Variants in DPP10 observed in about 807,000 individuals in gnomAD.
The protein encoded by DPP10 is dipeptidyl peptidase like 10, also known as inactive dipeptidyl peptidase 10.
Under a neutral mutation model 120.9 loss-of-function variants are expected in DPP10, and 33 were observed. The observed-to-expected ratio is 0.27, with a 90% CI of 0.21 to 0.37. The LOEUF (loss-of-function observed/expected upper bound fraction) is 0.37, where lower values mean the gene tolerates loss of function less well. Among genes scored for constraint, DPP10 ranks in the 10% least tolerant of loss-of-function variants. DPP10 has a pLI of 1.00. For synonymous variants in DPP10, 337 were observed against 326.1 expected (o/e 1.03, Z -0.36); for missense variants, 816 against 942.8 (o/e 0.87, Z 1.76).
At chr2:114,559,254 A>T (rs1457969685) in intron 1 of DPP10, among the ~76,000 whole-genome samples, 1 of 152,220 alleles carries the variant, frequency 6.6e-6, no homozygotes, top group African/African-American at 2.4e-5. Flanking sequence ...GTTAGGTACA[A>T]TATAATCACA....
At chr2:115,626,034 A>G (rs2085329650) in intron 5 of DPP10, among the ~76,000 whole-genome samples, 1 of 151,172 alleles carries the variant, frequency 6.6e-6, no homozygotes, top group African/African-American at 2.4e-5. Context: ...TTCCTGGCCA[A>G]AAAGAAAAAA....
chr2:115,402,913 GTGTGTATATATATATGTATATATATA>G (rs2068202301), intron 3 of DPP10, among the ~76,000 whole-genome samples: 3 of 135,314 alleles, frequency 2.2e-5, no homozygotes, highest in Admixed American at 7.4e-5. Context: ...GTATATATAT[GTGTGTATATATATATGTATATATATA>G]TGTGTGTGTG....
At chr2:115,535,491 T>C (rs1305535505) in intron 5 of DPP10, among the ~76,000 whole-genome samples, 5 of 151,708 alleles carry the variant, frequency 3.3e-5, no homozygotes, top group African/African-American at 1.2e-4. Context: ...TTGGTACCAC[T>C]ACCATGCTGT....
intron 3 of DPP10, among the ~76,000 whole-genome samples, chr2:115,406,428 A>G (rs1265859618): frequency 1.3e-5 from 2 of 152,152 alleles, no homozygotes; most frequent in Non-Finnish European, 2.9e-5. Flanking sequence ...CACATACAGA[A>G]ATACTATTTA....
At chr2:115,402,839 A>G (rs894707193) in intron 3 of DPP10, among the ~76,000 whole-genome samples, 6 of 89,132 alleles carry the variant, frequency 6.7e-5, no homozygotes, top group African/African-American at 2.1e-4. Flanking sequence ...AGGACACTAC[A>G]AGGAAAAAAA....
At chr2:114,447,178 G>C (rs1214902579) in intron 1 of DPP10, among the ~76,000 whole-genome samples, 1 of 151,420 alleles carries the variant, frequency 6.6e-6, no homozygotes, top group African/African-American at 2.4e-5. Flanking sequence ...TGTATTTTTA[G>C]TAGAGACGGG....
At chr2:115,329,913 T>C (rs1196278393) in intron 2 of DPP10, among the ~76,000 whole-genome samples, 1 of 152,202 alleles carries the variant, frequency 6.6e-6, no homozygotes, top group Non-Finnish European at 1.5e-5. Flanking sequence ...GCATTGTGTC[T>C]TTATAGCAGC....
chr2:114,862,750 A>C (rs1160766891), intron 1 of DPP10, among the ~76,000 whole-genome samples: 1 of 152,208 alleles, frequency 6.6e-6, no homozygotes, highest in Non-Finnish European at 1.5e-5. Flanking sequence ...AAATAGAAGC[A>C]ATGTAGTAGA....
At chr2:115,742,098 G>GT (rs1559098744) in intron 9 of DPP10, among the ~76,000 whole-genome samples, 2 of 152,038 alleles carry the variant, frequency 1.3e-5, no homozygotes, top group Admixed American at 6.6e-5. Flanking sequence ...CCACTTGTTT[G>GT]TTTTTTTCTT....
chr2:114,961,033 C>CTTTTTTTTTTTTTTTTTTTTTTTT (rs772146022), intron 1 of DPP10, among the ~76,000 whole-genome samples: 4 of 52,004 alleles, frequency 7.7e-5, no homozygotes, highest in African/African-American at 3.0e-4. Context: ...CTCTATACGC[C>CTTTTTTTTTTTTTTTTTTTTTTTT]TTTTTTTTTT....
intron 3 of DPP10, among the ~76,000 whole-genome samples, chr2:115,456,444 G>T (rs1330833757): frequency 1.3e-5 from 2 of 152,050 alleles, no homozygotes; most frequent in Non-Finnish European, 2.9e-5. Context: ...ATTTGACCCA[G>T]CAATCCCATT....
At chr2:115,058,263 A>C (rs1345167486) in intron 1 of DPP10, among the ~76,000 whole-genome samples, 14 of 117,438 alleles carry the variant, frequency 1.2e-4, no homozygotes, top group African/African-American at 4.2e-4. Context: ...GCTAGCTTTT[A>C]ATCATAAAGG....
At position 115,825,431 on chromosome 2, in the gene DPP10, CATTT is replaced by C. The variant is rs1179107109; in HGVS notation, c.1950+9703_1950+9706del. On this transcript the variant is annotated intron_variant, in intron 21 of 25. Coordinates refer to ENST00000410059, the MANE Select transcript of DPP10 (RefSeq NM_020868.6). ...ATACCAGTATGTAATGTATTACATT[CATTT>C]GTGTTCTGTTTTCATTTCTAAGTCA... Among the ~76,000 whole-genome samples, 6 of 152,144 alleles carry C rather than the reference CATTT, an allele frequency of 3.9e-5. No homozygotes were observed. The South Asian group carries it at 6.2e-4, about 16-fold the overall frequency.
intron 3 of DPP10, among the ~76,000 whole-genome samples, chr2:115,413,073 T>G (rs112882313): frequency 0.08 from 12,110 of 152,160 alleles, 537 homozygotes; most frequent in Middle Eastern, 0.13. Context: ...TCTGTGGGAT[T>G]TGGGATTCTT....
intron 17 of DPP10, among the ~76,000 whole-genome samples, chr2:115,789,979 T>A (rs2149905831): frequency 6.6e-6 from 1 of 152,276 alleles, no homozygotes; most frequent in East Asian, 1.9e-4. Context: ...CTTGTATATA[T>A]CTGTATACAA....
At chr2:114,915,895 A>G (rs1483620771) in intron 1 of DPP10, among the ~76,000 whole-genome samples, 1 of 152,216 alleles carries the variant, frequency 6.6e-6, no homozygotes, top group Non-Finnish European at 1.5e-5. Context: ...TGTCAGAAAT[A>G]TCTCAAATTA....
intron 1 of DPP10, among the ~76,000 whole-genome samples, chr2:115,267,132 G>A: frequency 6.6e-6 from 1 of 152,074 alleles, no homozygotes; most frequent in Non-Finnish European, 1.5e-5. Context: ...TATGCTAGAA[G>A]GAATCAAGTA....
chr2:115,139,108 A>G (rs2050789323), intron 1 of DPP10, among the ~76,000 whole-genome samples: 1 of 152,216 alleles, frequency 6.6e-6, no homozygotes, highest in South Asian at 2.1e-4. Flanking sequence ...TTTCCAAGAA[A>G]GTGTTTGCAA....
chr2:115,498,931 A>G (rs1010219802), intron 3 of DPP10, among the ~76,000 whole-genome samples: 3 of 152,026 alleles, frequency 2.0e-5, no homozygotes, highest in African/African-American at 4.8e-5. Flanking sequence ...TCATTCATTG[A>G]TATAGTAGTA....
Sources: gnomAD v4.1 joint callset for allele counts (sites outside exome capture counted in the v4.1 genomes callset) on GRCh38, gnomAD v4.1.1 for gene constraint, MANE v1.5 for transcripts, NCBI Gene and HGNC (gene_info 2026-07-23, HGNC 2026-07-21) for gene names.